Variants in CA10 observed in about 807,000 individuals in gnomAD.
CA10 encodes carbonic anhydrase 10 (inactive), also known as carbonic anhydrase-related protein 10.
A neutral mutation model predicts 44.2 loss-of-function variants in CA10; 14 were observed. That is an observed-to-expected ratio of 0.32 (90% confidence interval 0.21 to 0.50). The LOEUF is 0.50. Ranked by LOEUF, CA10 falls within the 20% of genes least tolerant of loss-of-function variation. The pLI, the probability that CA10 is intolerant of heterozygous loss-of-function variation, is 0.99. For synonymous variants in CA10, 159 were observed against 141.6 expected (o/e 1.12, Z -0.87); for missense variants, 350 against 409.7 (o/e 0.85, Z 1.26).
At chr17:51,923,633 A>C (rs1394660617) in intron 3 of CA10, among the ~76,000 whole-genome samples, 2 of 152,210 alleles carry the variant, frequency 1.3e-5, no homozygotes, top group African/African-American at 4.8e-5. Flanking sequence ...GCAATGATTA[A>C]ATTTTGCAAT....
Position 51,791,267 on chromosome 17 carries a change from C to T in CA10, c.280-43449G>A, listed in dbSNP as rs540165705. ...CATCTATTGTACCAGTTTAATATTA[C>T]CTAATAGAACAGTTCCCCATTTTAA... On this transcript the variant is annotated intron_variant, in intron 3 of 8. Transcript: ENST00000451037. Among the ~76,000 whole-genome samples the T allele has an allele frequency of 4.6e-5, 7 of 152,220 alleles. No homozygotes were observed. The South Asian group carries it at 1.0e-3, about 23-fold the overall frequency.
intron 2 of CA10, among the ~76,000 whole-genome samples, chr17:52,019,089 C>T (rs559568871): frequency 2.0e-5 from 3 of 152,096 alleles, no homozygotes; most frequent in Non-Finnish European, 4.4e-5. Context: ...GATTCTAATG[C>T]CATGCTTCCT....
At chr17:52,044,187 T>G (rs2144196674) in intron 2 of CA10, among the ~76,000 whole-genome samples, 1 of 152,232 alleles carries the variant, frequency 6.6e-6, no homozygotes, top group South Asian at 2.1e-4. Flanking sequence ...TGCTCCTGGG[T>G]TTGTCTTTGA....
At chr17:51,741,476 T>C (rs763462560) in intron 4 of CA10, among the ~76,000 whole-genome samples, 1 of 152,234 alleles carries the variant, frequency 6.6e-6, no homozygotes, top group Non-Finnish European at 1.5e-5. Context: ...AGCCTTCATA[T>C]AAACACTCCA....
intron 1 of CA10, among the ~76,000 whole-genome samples, chr17:52,091,120 A>T (rs1988254164): frequency 2.0e-5 from 3 of 152,312 alleles, no homozygotes; most frequent in African/African-American, 7.2e-5. Context: ...ATCAGCATAT[A>T]AAAAAGTATA....
chr17:51,839,011 C>A (rs1978297777), intron 3 of CA10, among the ~76,000 whole-genome samples: 1 of 152,198 alleles, frequency 6.6e-6, no homozygotes, highest in South Asian at 2.1e-4. Flanking sequence ...CATTTGTAGT[C>A]TTGATGTCTA....
chr17:52,097,055 T>C (rs1988419224), intron 1 of CA10, among the ~76,000 whole-genome samples: 1 of 152,198 alleles, frequency 6.6e-6, no homozygotes, highest in African/African-American at 2.4e-5. Flanking sequence ...TTTTAAATTA[T>C]GCTGCAATGA....
chr17:51,835,891 G>A (rs1389732012), intron 3 of CA10, among the ~76,000 whole-genome samples: 1 of 152,152 alleles, frequency 6.6e-6, no homozygotes, highest in Non-Finnish European at 1.5e-5. Flanking sequence ...GGTCAGAGAA[G>A]ATGACATTTG....
chr17:51,877,903 G>C (rs574754506), intron 3 of CA10, among the ~76,000 whole-genome samples: 139 of 152,112 alleles, frequency 9.1e-4, no homozygotes, highest in Admixed American at 2.6e-3. Flanking sequence ...CCAGCACTTT[G>C]GGAGGCCGAG....
At chr17:52,115,746 C>G (rs185855804) in intron 1 of CA10, among the ~76,000 whole-genome samples, 6 of 152,202 alleles carry the variant, frequency 3.9e-5, no homozygotes, top group Admixed American at 2.6e-4. Context: ...TGCCATGCAC[C>G]GGGAGTCTTC....
intron 2 of CA10, among the ~76,000 whole-genome samples, chr17:52,043,654 T>C (rs918830230): frequency 1.3e-5 from 2 of 152,162 alleles, no homozygotes; most frequent in African/African-American, 4.8e-5. Context: ...GAAAGAGCTT[T>C]CAGCTTTTCA....
intron 1 of CA10, among the ~76,000 whole-genome samples, chr17:52,095,216 G>T (rs938613315): frequency 2.0e-5 from 3 of 152,104 alleles, no homozygotes; most frequent in African/African-American, 7.2e-5. Flanking sequence ...GACACAAAGA[G>T]TACATTCTGC....
intron 3 of CA10, among the ~76,000 whole-genome samples, chr17:51,760,988 C>G (rs1201270246): frequency 2.6e-5 from 4 of 152,128 alleles, no homozygotes; most frequent in Admixed American, 2.6e-4. Context: ...ACAATTCGAA[C>G]TCACCACATT....
intron 3 of CA10, among the ~76,000 whole-genome samples, chr17:51,823,596 T>A (rs1189152631): frequency 6.6e-6 from 1 of 152,198 alleles, no homozygotes; most frequent in Non-Finnish European, 1.5e-5. Flanking sequence ...GATTACTCCA[T>A]TTTCCAGGTC....
intron 3 of CA10, among the ~76,000 whole-genome samples, chr17:51,885,072 G>A (rs181412593): frequency 1.6e-3 from 237 of 152,206 alleles, no homozygotes; most frequent in Middle Eastern, 3.4e-3. Context: ...AGGGATTAGG[G>A]GTTCAACATA....
At chr17:51,847,011 T>A (rs893280407) in intron 3 of CA10, among the ~76,000 whole-genome samples, 2 of 152,218 alleles carry the variant, frequency 1.3e-5, no homozygotes, top group Admixed American at 1.3e-4. Flanking sequence ...TGATGTGGAA[T>A]AATATGGACA....
chr17:51,769,292 A>G (rs1905506543), intron 3 of CA10, among the ~76,000 whole-genome samples: 2 of 152,192 alleles, frequency 1.3e-5, no homozygotes, highest in African/African-American at 4.8e-5. Flanking sequence ...TTTCTTAAGC[A>G]ATCACAAGGT....
intron 3 of CA10, among the ~76,000 whole-genome samples, chr17:51,824,582 A>AT (rs1273809737): frequency 6.6e-6 from 1 of 152,146 alleles, no homozygotes; most frequent in African/African-American, 2.4e-5. Flanking sequence ...AGTCTTATTG[A>AT]TTTTTCCCTT....
intron 2 of CA10, among the ~76,000 whole-genome samples, chr17:52,029,921 A>G (rs1157255190): frequency 6.6e-6 from 1 of 152,222 alleles, no homozygotes; most frequent in Non-Finnish European, 1.5e-5. Context: ...TACATCTCAC[A>G]CACTGTGTAT....
Sources: allele counts gnomAD v4.1 joint callset (sites outside exome capture counted in the v4.1 genomes callset), GRCh38; gene constraint gnomAD v4.1.1; transcripts MANE v1.5; gene names NCBI Gene and HGNC (gene_info 2026-07-23, HGNC 2026-07-21).